PXDNL: variants seen among roughly 807,000 people sequenced by gnomAD.
The protein encoded by PXDNL is probable oxidoreductase PXDNL.
A neutral mutation model predicts 150.8 loss-of-function variants in PXDNL; 145 were observed. That is an observed-to-expected ratio of 0.96 (90% CI 0.84 to 1.10). PXDNL has a LOEUF of 1.10. Ranked by LOEUF, PXDNL falls within the 50% of genes least tolerant of loss-of-function variation. The probability of loss-of-function intolerance (pLI) is 0.00; values close to 1 mark genes in which losing one functional copy is unlikely to be tolerated. For missense variants in PXDNL, 2,087 were observed against 1,873.9 expected (o/e 1.11, Z -2.10); for synonymous variants, 757 against 725.7 (o/e 1.04, Z -0.69).
chr8:51,345,848 C>G lies in PXDNL; in HGVS notation c.4001G>C (p.Ser1334Thr). ...CTATACATACCTACTTCTTAGATGACTTAACTCCATATCCTTATCAACAGG... is the reference window on the plus strand; with the variant it reads ...CTATACATACCTACTTCTTAGATGAGTTAACTCCATATCCTTATCAACAGG... ...SYPVDKDMEL[S>T]HLRSRQQDKI... is the part of the protein sequence containing the mutation. Residue 1334 changes from serine to threonine, a missense_variant, in exon 20 of 23, where the codon AGT becomes ACT. By Grantham distance (58) the Ser-to-Thr change is moderately conservative. Coordinates refer to ENST00000356297, the MANE Select transcript of PXDNL (RefSeq NM_144651.5). 3.1e-6 allele frequency: 5 copies of G among 1,607,690 alleles called. No homozygotes were observed. Among genetic ancestry groups the G allele is most frequent in the Non-Finnish European group, 4.3e-6 (5 of 1,174,292 alleles).
intron 4 of PXDNL, among the ~76,000 whole-genome samples, chr8:51,503,079 CCACT>C (rs752459134): frequency 4.0e-5 from 6 of 151,720 alleles, no homozygotes; most frequent in Non-Finnish European, 7.4e-5. Context: ...CACAATGCAC[CCACT>C]GAGAGCCCAC....
intron 14 of PXDNL, among the ~76,000 whole-genome samples, chr8:51,421,335 C>T (rs1808946010): frequency 6.6e-6 from 1 of 152,132 alleles, no homozygotes; most frequent in Admixed American, 6.5e-5. Flanking sequence ...AGCACAACTA[C>T]CACAGATTTT....
At chr8:51,768,449 G>A (rs1259528647) in intron 1 of PXDNL, among the ~76,000 whole-genome samples, 1 of 151,774 alleles carries the variant, frequency 6.6e-6, no homozygotes, top group Non-Finnish European at 1.5e-5. Context: ...GCTATAATAG[G>A]GGTAAATAAA....
At chr8:51,745,197 A>G (rs2036969765) in intron 1 of PXDNL, among the ~76,000 whole-genome samples, 1 of 152,192 alleles carries the variant, frequency 6.6e-6, no homozygotes, top group Admixed American at 6.5e-5. Flanking sequence ...GATAACTTAA[A>G]TATAAAACCG....
At chr8:51,784,612 T>C (rs2037444042) in intron 1 of PXDNL, among the ~76,000 whole-genome samples, 1 of 152,198 alleles carries the variant, frequency 6.6e-6, no homozygotes, top group Non-Finnish European at 1.5e-5. Flanking sequence ...CAACGTCGCA[T>C]GGAAACAAGT....
intron 8 of PXDNL, among the ~76,000 whole-genome samples, chr8:51,470,475 T>A (rs1465622742): frequency 6.6e-6 from 1 of 152,108 alleles, no homozygotes; most frequent in Non-Finnish European, 1.5e-5. Context: ...TCAGTGAAAG[T>A]CTGTGCAAGA....
At chr8:51,461,137 C>G (rs2130023002) in intron 8 of PXDNL, among the ~76,000 whole-genome samples, 2 of 152,326 alleles carry the variant, frequency 1.3e-5, no homozygotes, top group East Asian at 3.9e-4. Context: ...AGGACAAAAC[C>G]ACAGGCCCAA....
At chr8:51,660,150 A>G (rs1425015363) in intron 1 of PXDNL, among the ~76,000 whole-genome samples, 2 of 151,692 alleles carry the variant, frequency 1.3e-5, no homozygotes, top group African/African-American at 2.4e-5. Context: ...TAGGCCTCCC[A>G]AAGTGCTGAG....
intron 4 of PXDNL, among the ~76,000 whole-genome samples, chr8:51,509,727 TATATATAC>T (rs1247796988): frequency 9.3e-6 from 1 of 107,360 alleles, no homozygotes; most frequent in Non-Finnish European, 1.8e-5. Flanking sequence ...TGTGTACATA[TATATATAC>T]ATATATACAC....
At chr8:51,705,158 G>A (rs1249618941) in intron 1 of PXDNL, among the ~76,000 whole-genome samples, 8 of 152,190 alleles carry the variant, frequency 5.3e-5, no homozygotes, top group Admixed American at 2.0e-4. Flanking sequence ...CTCAGGCATG[G>A]GGGGTCTCCA....
At chr8:51,443,318 G>T (rs1400224387) in intron 12 of PXDNL, among the ~76,000 whole-genome samples, 1 of 151,954 alleles carries the variant, frequency 6.6e-6, no homozygotes. Flanking sequence ...GGGATATGAA[G>T]ACAGATACGA....
intron 2 of PXDNL, among the ~76,000 whole-genome samples, chr8:51,626,837 T>C (rs188136084): frequency 2.0e-5 from 3 of 152,290 alleles, no homozygotes; most frequent in Middle Eastern, 3.4e-3. Flanking sequence ...GAGGCAATTT[T>C]TGTGATAAAA....
chr8:51,658,768 C>T (rs551207983), intron 1 of PXDNL, among the ~76,000 whole-genome samples: 18 of 152,268 alleles, frequency 1.2e-4, no homozygotes, highest in African/African-American at 3.9e-4. Flanking sequence ...TAAAACTTCC[C>T]TTTTCCCTTC....
chr8:51,600,684 G>T lies in PXDNL; in HGVS notation c.237-7986C>A, dbSNP rs57792811. ...CTTATATAAATTATATAATTTATAT[G>T]ATAAATTACATCTTATATAAATTAT... is the stretch of plus-strand genomic sequence containing the variant. On this transcript the variant is annotated intron_variant, in intron 2 of 22. Coordinates refer to ENST00000356297, the MANE Select transcript of PXDNL (RefSeq NM_144651.5). 2.2e-5 allele frequency among the ~76,000 whole-genome samples: 3 copies of T among 134,134 alleles called. No homozygotes were observed. The East Asian group carries it at 6.5e-4, about 29-fold the overall frequency. The allele number at this position is 134,134 out of a possible 152,430, so 88.0% of individuals were successfully genotyped here. A position where few individuals can be genotyped will look rare whatever the true frequency, so the allele number is the denominator to read the frequency against.
Position 51,374,817 on chromosome 8 carries a change from AT to A in PXDNL, c.3558-87del, listed in dbSNP as rs1807252782. ...CTTATGTGAATGACCACCAAGCATT[AT>A]TTTATCCACACAAAAAAAGAAAAGT... On this transcript the variant is annotated intron_variant, in intron 17 of 22. Coordinates refer to ENST00000356297, the MANE Select transcript of PXDNL (RefSeq NM_144651.5). 2.1e-6 allele frequency: 3 copies of A among 1,441,742 alleles called. No homozygotes were observed. In the Admixed American group the frequency reaches 6.8e-5, roughly 33 times the overall value. 89.3% of individuals were successfully genotyped at this position (1,441,742 alleles called of 1,614,324 possible).
chr8:51,388,281 C>T (rs189368502), intron 17 of PXDNL, among the ~76,000 whole-genome samples: 21 of 152,276 alleles, frequency 1.4e-4, no homozygotes, highest in Non-Finnish European at 2.9e-4. Context: ...AAAACACAAA[C>T]AGTAACTTCT....
chr8:51,788,855 A>G (rs1217241479), intron 1 of PXDNL, among the ~76,000 whole-genome samples: 5 of 152,126 alleles, frequency 3.3e-5, no homozygotes, highest in Middle Eastern at 6.8e-3. Context: ...AGGCTTTAGG[A>G]CTCAGTGCCC....
At chr8:51,326,183 G>A (rs1189958825) in intron 21 of PXDNL, among the ~76,000 whole-genome samples, 1 of 152,104 alleles carries the variant, frequency 6.6e-6, no homozygotes, top group Non-Finnish European at 1.5e-5. Flanking sequence ...TGATATCCAG[G>A]GGTTGTAGCT....
chr8:51,574,767 G>A (rs1029710770), intron 3 of PXDNL, among the ~76,000 whole-genome samples: 14 of 152,118 alleles, frequency 9.2e-5, no homozygotes, highest in African/African-American at 2.9e-4. Flanking sequence ...TTTTCCAGTG[G>A]TGAAAGGAAA....
Sources: gnomAD v4.1 joint callset for allele counts (sites outside exome capture counted in the v4.1 genomes callset) on GRCh38, gnomAD v4.1.1 for gene constraint, MANE v1.5 for transcripts, NCBI Gene and HGNC (gene_info 2026-07-23, HGNC 2026-07-21) for gene names.